The following LNPK variants were observed in gnomAD, a reference collection of about 807,000 sequenced individuals.
LNPK encodes endoplasmic reticulum junction formation protein lunapark.
LNPK carries 29 observed loss-of-function variants against 55.2 expected under a neutral mutation model. The observed-to-expected ratio is 0.53, with a 90% CI of 0.39 to 0.72. The LOEUF is 0.72. Among genes scored for constraint, LNPK ranks in the 30% least tolerant of loss-of-function variants. LNPK has a pLI of 0.00. For missense variants in LNPK, 467 were observed against 494.8 expected (o/e 0.94, Z 0.53); for synonymous variants, 162 against 168.2 (o/e 0.96, Z 0.29).
chr2:175,979,161 C>T lies in LNPK; in HGVS notation c.316+649G>A, dbSNP rs370099306. 3.1e-3 allele frequency among the ~76,000 whole-genome samples: 472 copies of T among 151,570 alleles called. 30 individuals carry two copies. In the South Asian group the frequency reaches 0.087, roughly 28 times the overall value. Reference sequence around the variant, plus strand: ...TTGGGATATACTTCAAAATAATATACGGGGTGAAAAAAATGGGTTGAGGTA... The same window carrying T: ...TTGGGATATACTTCAAAATAATATATGGGGTGAAAAAAATGGGTTGAGGTA... On this transcript the variant is annotated intron_variant, in intron 5 of 12. Coordinates refer to ENST00000272748, the MANE Select transcript of LNPK (RefSeq NM_030650.3).
chr2:175,959,886 CA>C (rs551900231), intron 8 of LNPK, among the ~76,000 whole-genome samples: 14 of 142,394 alleles, frequency 9.8e-5, no homozygotes, highest in Non-Finnish European at 1.4e-4. Context: ...AAATGGAAAA[CA>C]AAAAAAAAAG....
chr2:175,963,935 TTTC>T (rs1477369439), intron 8 of LNPK, among the ~76,000 whole-genome samples: 1 of 152,010 alleles, frequency 6.6e-6, no homozygotes. Flanking sequence ...AATTTTCATT[TTTC>T]TTATTTCTAA....
intron 8 of LNPK, among the ~76,000 whole-genome samples, chr2:175,950,326 G>A (rs1217661567): frequency 6.6e-6 from 1 of 152,110 alleles, no homozygotes; most frequent in African/African-American, 2.4e-5. Context: ...GGAGGAATAA[G>A]AGCTAGTGTT....
At chr2:175,965,767 T>C (rs1345995246) in intron 6 of LNPK, among the ~76,000 whole-genome samples, 2 of 150,632 alleles carry the variant, frequency 1.3e-5, no homozygotes, top group African/African-American at 4.9e-5. Flanking sequence ...TTTTCTGATG[T>C]AAAGGAGATG....
intron 12 of LNPK, among the ~76,000 whole-genome samples, chr2:175,936,130 G>A (rs1308949896): frequency 6.6e-6 from 1 of 152,142 alleles, no homozygotes; most frequent in Non-Finnish European, 1.5e-5. Context: ...GAAAAAAATT[G>A]ACATTTTGTT....
At chr2:175,975,411 T>C (rs762899747) in intron 5 of LNPK, among the ~76,000 whole-genome samples, 1 of 152,218 alleles carries the variant, frequency 6.6e-6, no homozygotes, top group Non-Finnish European at 1.5e-5. Context: ...TAGTAACATT[T>C]ACTACTTTTA....
intron 8 of LNPK, 25 bp downstream of exon 8, chr2:175,964,347 C>A (rs755005179): frequency 1.7e-5 from 27 of 1,600,486 alleles, no homozygotes; most frequent in Non-Finnish European, 2.3e-5. Flanking sequence ...CCAACAGCAG[C>A]AGCAGTTTCT....
chr2:175,974,503 C>G (rs1559060634), intron 5 of LNPK, among the ~76,000 whole-genome samples: 1 of 152,178 alleles, frequency 6.6e-6, no homozygotes. Context: ...CAGCTAAAGA[C>G]AGCATGACTG....
rs1210437745 is a variant in LNPK, at chr2:175,997,781, G to A, written c.-62-2135C>T. The stretch of plus-strand genomic sequence containing the variant: ...GAGACAGGGTCTCACTGACACCCAG[G>A]CTGGAGTGCAGTGGTGCGATCTTGG... On this transcript the variant is annotated intron_variant, in intron 1 of 12. Transcript: ENST00000272748. 3.4e-5 allele frequency among the ~76,000 whole-genome samples: 5 copies of A among 149,144 alleles called. No homozygotes were observed. In the East Asian group the frequency reaches 9.9e-4, roughly 30 times the overall value.
At chr2:175,934,133 G>A (rs929827088) in intron 12 of LNPK, among the ~76,000 whole-genome samples, 1 of 152,088 alleles carries the variant, frequency 6.6e-6, no homozygotes, top group African/African-American at 2.4e-5. Context: ...AAACAAACAT[G>A]CAAAAACATA....
At chr2:176,001,671 T>C (rs949865588) in intron 1 of LNPK, among the ~76,000 whole-genome samples, 4 of 152,100 alleles carry the variant, frequency 2.6e-5, no homozygotes, top group Non-Finnish European at 5.9e-5. Flanking sequence ...TTCAGTCCCT[T>C]CTGGTCTTTC....
intron 1 of LNPK, 36 bp downstream of exon 1, chr2:176,002,124 G>A: frequency 2.4e-6 from 1 of 409,862 alleles, no homozygotes; most frequent in Non-Finnish European, 4.8e-6. Context: ...CCCCGCTGCA[G>A]AGCCCTCCCA....
intron 8 of LNPK, among the ~76,000 whole-genome samples, chr2:175,959,893 A>G (rs961011613): frequency 6.6e-6 from 1 of 152,140 alleles, no homozygotes; most frequent in Non-Finnish European, 1.5e-5. Context: ...AAACAAAAAA[A>G]AAAGCAGGGG....
At chr2:175,956,557 A>T (rs1685704254) in intron 8 of LNPK, among the ~76,000 whole-genome samples, 1 of 152,204 alleles carries the variant, frequency 6.6e-6, no homozygotes, top group East Asian at 1.9e-4. Flanking sequence ...TTTGCAGACC[A>T]CATAAGCTCC....
intron 2 of LNPK, among the ~76,000 whole-genome samples, chr2:175,995,133 G>A (rs1687874090): frequency 6.6e-6 from 1 of 151,796 alleles, no homozygotes. Context: ...TGTTGGCCAG[G>A]CTGGTCTTGA....
chr2:175,959,993 A>G (rs925373713), intron 8 of LNPK, among the ~76,000 whole-genome samples: 9 of 152,250 alleles, frequency 5.9e-5, no homozygotes, highest in African/African-American at 1.9e-4. Context: ...AAAGGAGTCA[A>G]TTCAACAAGA....
intron 5 of LNPK, among the ~76,000 whole-genome samples, chr2:175,971,076 A>C (rs906855414): frequency 1.3e-5 from 2 of 152,108 alleles, no homozygotes; most frequent in South Asian, 2.1e-4. Flanking sequence ...AATACTTTTT[A>C]ATGTGTTCAG....
At chr2:175,997,872 G>A (rs1463112002) in intron 1 of LNPK, among the ~76,000 whole-genome samples, 1 of 151,496 alleles carries the variant, frequency 6.6e-6, no homozygotes, top group African/African-American at 2.4e-5. Context: ...AGGTGTAGCT[G>A]GGACTATAGG....
At chr2:175,982,248 G>T (rs906732838) in intron 4 of LNPK, among the ~76,000 whole-genome samples, 9 of 152,194 alleles carry the variant, frequency 5.9e-5, no homozygotes, top group Non-Finnish European at 5.9e-5. Context: ...GGGAAAAAAA[G>T]ATGGAATTGC....
Sources: allele counts gnomAD v4.1 joint callset (sites outside exome capture counted in the v4.1 genomes callset), GRCh38; gene constraint gnomAD v4.1.1; transcripts MANE v1.5; gene names NCBI Gene and HGNC (gene_info 2026-07-23, HGNC 2026-07-21).